NAALADL2: variants seen among roughly 807,000 people sequenced by gnomAD.
The protein encoded by NAALADL2 is N-acetylated alpha-linked acidic dipeptidase like 2.
In NAALADL2, 76 loss-of-function variants were observed where a neutral mutation model predicts 87.2. The observed-to-expected ratio is 0.87, with a 90% CI of 0.72 to 1.05. The LOEUF is 1.05. Ranked by LOEUF, NAALADL2 falls within the 50% of genes least tolerant of loss-of-function variation. NAALADL2 has a pLI of 0.00. For missense variants in NAALADL2, 1,089 were observed against 945.8 expected (o/e 1.15, Z -1.99); for synonymous variants, 354 against 331.0 (o/e 1.07, Z -0.75).
At chr3:175,447,564 G>A (rs1720903762) in intron 6 of NAALADL2, among the ~76,000 whole-genome samples, 192 bp downstream of exon 6, 1 of 152,150 alleles carries the variant, frequency 6.6e-6, no homozygotes, top group East Asian at 1.9e-4. Flanking sequence ...ACTGAGAGTT[G>A]ACCAAAATGA....
intron 11 of NAALADL2, among the ~76,000 whole-genome samples, chr3:175,697,822 CATAT>C (rs1491587198): frequency 1.1e-5 from 1 of 94,996 alleles, no homozygotes; most frequent in Non-Finnish European, 2.3e-5. Flanking sequence ...TGTATGTATA[CATAT>C]ATATGTGTAT....
At chr3:175,659,591 A>G (rs527416169) in intron 11 of NAALADL2, among the ~76,000 whole-genome samples, 13 of 152,298 alleles carry the variant, frequency 8.5e-5, no homozygotes, top group Non-Finnish European at 1.8e-4. Context: ...TGATAAGTTC[A>G]ATATTTTGCA....
chr3:175,407,849 TAGTA>T (rs1712686356), intron 5 of NAALADL2, among the ~76,000 whole-genome samples: 1 of 152,174 alleles, frequency 6.6e-6, no homozygotes, highest in South Asian at 2.1e-4. Context: ...CGTTACAGCT[TAGTA>T]ACAGGTTGTC....
chr3:175,328,203 C>G (rs1760976100), intron 5 of NAALADL2, among the ~76,000 whole-genome samples: 1 of 151,538 alleles, frequency 6.6e-6, no homozygotes. Context: ...AACTTTTGAT[C>G]TCCATCATAC....
intron 5 of NAALADL2, among the ~76,000 whole-genome samples, chr3:175,362,974 A>G (rs1263598135): frequency 2.0e-5 from 3 of 147,694 alleles, no homozygotes; most frequent in African/African-American, 7.4e-5. Context: ...ACCTTTGAGT[A>G]TTTGACTACC....
intron 5 of NAALADL2, among the ~76,000 whole-genome samples, chr3:175,395,085 A>G (rs1241458541): frequency 6.6e-6 from 1 of 152,128 alleles, no homozygotes; most frequent in African/African-American, 2.4e-5. Flanking sequence ...AAGCGTTGGG[A>G]TACCAAGACA....
chr3:175,338,325 C>G (rs138337779), intron 5 of NAALADL2, among the ~76,000 whole-genome samples: 24 of 152,118 alleles, frequency 1.6e-4, no homozygotes, highest in African/African-American at 5.5e-4. Context: ...ATTGTTACCT[C>G]TTTTGTGAGT....
At chr3:174,873,948 G>T (rs900388090) in intron 1 of NAALADL2, among the ~76,000 whole-genome samples, 1 of 151,918 alleles carries the variant, frequency 6.6e-6, no homozygotes, top group African/African-American at 2.4e-5. Flanking sequence ...GAAACCAGTT[G>T]TACAAAGGCA....
At chr3:174,502,532 T>C (rs1404999129) in intron 1 of NAALADL2, among the ~76,000 whole-genome samples, 1 of 152,222 alleles carries the variant, frequency 6.6e-6, no homozygotes, top group Non-Finnish European at 1.5e-5. Flanking sequence ...TCAAATCTTT[T>C]ATTTTTTAAA....
In NAALADL2 at chr3:175,803,200, T is replaced by G; in HGVS notation, c.2385T>G (p.Asn795Lys). The change falls in exon 14 of 14, where the codon AAT (asparagine) becomes AAG (lysine). Residue 795 changes from asparagine (N) to lysine (K), a missense_variant. Physicochemically the swap from Asn to Lys is moderately conservative, Grantham distance 94. Transcript: ENST00000454872. The part of the protein sequence containing the change: ...DVFKSVLDGK[N>K] ...TCAAGAGTGTCTTGGATGGGAAGAA[T>G]TGAGAAAACTCTGAGCATTTTTAAA... 1.9e-6 allele frequency: 3 copies of G among 1,592,574 alleles called. No homozygotes were observed. The highest frequency in any genetic ancestry group is 2.6e-6 in the Non-Finnish European group (3 of 1,168,430).
chr3:175,045,069 A>G (rs927709311), intron 1 of NAALADL2, among the ~76,000 whole-genome samples: 1 of 152,104 alleles, frequency 6.6e-6, no homozygotes, highest in Admixed American at 6.5e-5. Context: ...ACTGTTTTCT[A>G]ACATAAAATT....
intron 12 of NAALADL2, among the ~76,000 whole-genome samples, chr3:175,747,388 T>C (rs973848815): frequency 3.3e-4 from 51 of 152,308 alleles, no homozygotes; most frequent in African/African-American, 1.2e-3. Flanking sequence ...GTGAGTGACT[T>C]ATTTTTCCTA....
intron 8 of NAALADL2, among the ~76,000 whole-genome samples, chr3:175,470,958 G>A (rs1452548332): frequency 6.6e-6 from 1 of 151,950 alleles, no homozygotes; most frequent in Non-Finnish European, 1.5e-5. Flanking sequence ...TCACTGAAGT[G>A]GTTTATCTAT....
chr3:175,201,664 C>T (rs1740043619), intron 2 of NAALADL2, among the ~76,000 whole-genome samples: 1 of 151,806 alleles, frequency 6.6e-6, no homozygotes, highest in Admixed American at 6.6e-5. Context: ...TTTAAATAAC[C>T]ATATTCTTTT....
At chr3:174,878,592 T>C (rs1728805454) in intron 1 of NAALADL2, among the ~76,000 whole-genome samples, 1 of 152,108 alleles carries the variant, frequency 6.6e-6, no homozygotes, top group African/African-American at 2.4e-5. Flanking sequence ...GTTTAATCCA[T>C]TTATGGAGAT....
At chr3:175,554,573 G>A (rs1477755739) in intron 9 of NAALADL2, among the ~76,000 whole-genome samples, 1 of 151,820 alleles carries the variant, frequency 6.6e-6, no homozygotes, top group Non-Finnish European at 1.5e-5. Context: ...TCTTCTGGTG[G>A]GTTACATGGG....
chr3:175,016,278 A>ATATATATATAT (rs58474829), intron 1 of NAALADL2, among the ~76,000 whole-genome samples: 15 of 144,842 alleles, frequency 1.0e-4, no homozygotes, highest in African/African-American at 3.7e-4. Flanking sequence ...TATATATATA[A>ATATATATATAT]AAAACAATAG....
At chr3:175,389,663 T>A (rs1768842941) in intron 5 of NAALADL2, among the ~76,000 whole-genome samples, 1 of 152,338 alleles carries the variant, frequency 6.6e-6, no homozygotes, top group Non-Finnish European at 1.5e-5. Context: ...AATGCAATTC[T>A]AGAATTTATT....
chr3:175,780,267 C>CTCTG (rs1491492676), intron 13 of NAALADL2, among the ~76,000 whole-genome samples: 1 of 150,960 alleles, frequency 6.6e-6, no homozygotes, highest in Non-Finnish European at 1.5e-5. Flanking sequence ...CAGAGCGAGA[C>CTCTG]TCTGTCTCAA....
Sources: allele counts gnomAD v4.1 joint callset (sites outside exome capture counted in the v4.1 genomes callset), GRCh38; gene constraint gnomAD v4.1.1; transcripts MANE v1.5; gene names NCBI Gene and HGNC (gene_info 2026-07-23, HGNC 2026-07-21).